Variants in BUD13 observed in about 807,000 individuals in gnomAD.
The protein encoded by BUD13 is BUD13 spliceosome associated protein.
BUD13 carries 47 observed loss-of-function variants against 62.5 expected under a neutral mutation model. That is an observed-to-expected ratio of 0.75 (90% CI 0.60 to 0.96). The LOEUF is 0.96. Ranked by LOEUF, BUD13 falls within the 40% of genes least tolerant of loss-of-function variation. The pLI is 0.00. For synonymous variants in BUD13, 293 were observed against 280.1 expected, an observed-to-expected ratio of 1.05 and a Z score of -0.46; for missense variants, 821 against 790.9, an observed-to-expected ratio of 1.04 and a Z score of -0.46.
Position 116,770,221 on chromosome 11 carries a change from T to C in BUD13, c.145A>G (p.Met49Val), listed in dbSNP as rs1457927531. The C allele has an allele frequency of 9.3e-6, 15 of 1,608,362 alleles. No individual in the cohort carries two copies. The highest frequency in any genetic ancestry group is 3.4e-5 in the Admixed American group (2 of 58,832). ...CTCACATCATCATCCACAATCCGCA[T>C]TCTAAATGAGAATAAGAAGATCAAA... Reference protein sequence around the residue: ...PKPGGAGGKGMRIVDDDVSWT... With the variant: ...PKPGGAGGKGVRIVDDDVSWT... Residue 49 changes from methionine to valine, a missense_variant and splice_region_variant, in exon 2 of 10, where the codon ATG (methionine) becomes GTG (valine). Met to Val is a conservative substitution (Grantham distance 21). This residue lies in a region of BUD13 where 800 missense variants were observed against 739.2 expected (regional missense o/e 1.08). Transcript: ENST00000260210.
Position 116,762,636 on chromosome 11 carries a change from T to C in BUD13, c.953A>G (p.Tyr318Cys), listed in dbSNP as rs1940451327. The change falls in exon 4 of 10, where the codon TAT (tyrosine) becomes TGT (cysteine). Residue 318 changes from tyrosine to cysteine, a missense_variant. Transcript: ENST00000260210. Reference sequence around the variant, plus strand: ...AGGAGAGATGTCAGGGTCATACTCATATTTGCTGTTCTTTGGGAATGACAA... The same window carrying C: ...AGGAGAGATGTCAGGGTCATACTCACATTTGCTGTTCTTTGGGAATGACAA... ...SHLSFPKNSK[Y>C]EYDPDISPPR... 1 of 1,614,242 alleles carries C rather than the reference T, an allele frequency of 6.2e-7. No individual in the cohort carries two copies. The highest frequency in any genetic ancestry group is 1.1e-5 in the South Asian group (1 of 91,090).
chr11:116,754,126 G>C (rs1940285998), intron 9 of BUD13, among the ~76,000 whole-genome samples: 2 of 152,174 alleles, frequency 1.3e-5, no homozygotes, highest in Admixed American at 1.3e-4. Flanking sequence ...GCACATTGCA[G>C]CCTCGACCTC....
At chr11:116,754,710 C>A (rs761961689) in intron 9 of BUD13, among the ~76,000 whole-genome samples, 12 of 152,172 alleles carry the variant, frequency 7.9e-5, no homozygotes, top group Non-Finnish European at 1.8e-4. Flanking sequence ...CTCACTACTT[C>A]TATTCAACAT....
At position 116,762,452 on chromosome 11, in the gene BUD13, C is replaced by G. The variant is rs1004292651; in HGVS notation, c.1036+101G>C. ...CCAGCCTCTCACTTTTCAAAACTTT[C>G]CCAAAGAAATTCCATTCTTATACCT... On this transcript the variant is annotated intron_variant, in intron 4 of 9. Transcript: ENST00000260210. 4 of 1,076,040 alleles carry G rather than the reference C, an allele frequency of 3.7e-6. No individual in the cohort carries two copies. The African/African-American group carries it at 6.4e-5, about 17-fold the overall frequency. 66.7% of individuals were successfully genotyped at this position (1,076,040 alleles called of 1,614,324 possible).
Position 116,748,998 on chromosome 11 carries a change from AAAAG to A in BUD13, c.1767-427_1767-424del, listed in dbSNP as rs1045535322. 6.6e-5 allele frequency among the ~76,000 whole-genome samples: 10 copies of A among 151,102 alleles called. No individual in the cohort carries two copies. The South Asian group carries it at 8.3e-4, about 13-fold the overall frequency. ...TCTGTCTCAAAAAAAAAAAAAAAAA[AAAAG>A]AAAGAAAGAAACAAAAAAGAAAAGA... is the stretch of plus-strand genomic sequence containing the variant. On this transcript the variant is annotated intron_variant, in intron 9 of 9. Transcript: ENST00000260210.
intron 3 of BUD13, among the ~76,000 whole-genome samples, chr11:116,763,861 A>T (rs1330282286): frequency 2.0e-5 from 3 of 152,226 alleles, no homozygotes; most frequent in African/African-American, 7.2e-5. Flanking sequence ...AGAGGGGAAA[A>T]ATCACCATAA....
intron 9 of BUD13, among the ~76,000 whole-genome samples, chr11:116,750,409 C>G (rs921287164): frequency 1.7e-4 from 26 of 152,202 alleles, no homozygotes; most frequent in African/African-American, 6.3e-4. Flanking sequence ...TGTTTCCTCA[C>G]TTTTCATTCA....
At chr11:116,761,060 CATT>C in intron 4 of BUD13, 108 bp from the exon 5 acceptor site, 23 of 883,550 alleles carry the variant, frequency 2.6e-5, no homozygotes, top group East Asian at 2.5e-4. Flanking sequence ...GAATTCCTTA[CATT>C]ATTATTATTT....
intron 4 of BUD13, 131 bp downstream of exon 4, chr11:116,762,422 C>T: frequency 1.3e-6 from 1 of 768,698 alleles, no homozygotes; most frequent in Non-Finnish European, 2.1e-6. Flanking sequence ...TCAACTCTCC[C>T]AAACCCAGCC....
At chr11:116,760,188 T>C (rs1940405388) in intron 5 of BUD13, among the ~76,000 whole-genome samples, 1 of 152,252 alleles carries the variant, frequency 6.6e-6, no homozygotes, top group Admixed American at 6.5e-5. Context: ...AGTAAATCAC[T>C]AACACTAGAT....
At position 116,772,973 on chromosome 11, in the gene BUD13, C is replaced by T. The variant is rs1314159456; in HGVS notation, c.-9G>A. On this transcript the variant is annotated 5_prime_UTR_variant, in exon 1 of 10. Transcript: ENST00000260210. Reference sequence around the variant, plus strand: ...GGCGGAGCTGCCGCCATGGCAGCGGCGGGGGCAGAGAGACGGGTCGGCGCT... The same window carrying T: ...GGCGGAGCTGCCGCCATGGCAGCGGTGGGGGCAGAGAGACGGGTCGGCGCT... The T allele has an allele frequency of 2.0e-6, 3 of 1,532,294 alleles. No individual in the cohort carries two copies. The highest frequency in any genetic ancestry group is 2.6e-6 in the Non-Finnish European group (3 of 1,134,310). 94.9% of individuals were successfully genotyped at this position (1,532,294 alleles called of 1,614,324 possible).
rs1390053018 is a variant in BUD13, at chr11:116,763,088, C to T, written c.501G>A (p.Gly167=). 6.3e-7 allele frequency: 1 copy of T among 1,580,544 alleles called. No individual in the cohort carries two copies. Among genetic ancestry groups the T allele is most frequent in the African/African-American group, 1.4e-5 (1 of 73,060 alleles). ...HDTPDPSPLR[G]ARHDSDTSPP... ...GAGATGTGTCTGAGTCATGACGAGC[C>T]CCTCTGAGGGGAGAAGGATCCGGGG... The change falls in exon 4 of 10, where the codon GGG becomes GGA. Residue 167 remains glycine (G), a synonymous_variant. Transcript: ENST00000260210.
chr11:116,754,062 T>C (rs879605616), intron 9 of BUD13, among the ~76,000 whole-genome samples: 42 of 152,248 alleles, frequency 2.8e-4, no homozygotes, highest in Non-Finnish European at 5.3e-4. Flanking sequence ...TTATTGTTTT[T>C]TGATACATGG....
chr11:116,768,105 C>T (rs886217630), intron 2 of BUD13, among the ~76,000 whole-genome samples: 1 of 151,966 alleles, frequency 6.6e-6, no homozygotes, highest in Admixed American at 6.6e-5. Flanking sequence ...TGGAAAGCAA[C>T]ATGGGAATAT....
chr11:116,758,297 C>T lies in BUD13; in HGVS notation c.1471G>A (p.Asp491Asn), dbSNP rs1940367994. The T allele has an allele frequency of 6.2e-7, 1 of 1,614,084 alleles. No individual in the cohort carries two copies. Among genetic ancestry groups the T allele is most frequent in the African/African-American group, 1.3e-5 (1 of 74,942 alleles). ...TTTCCCCACTGGGCATACAGCTCAT[C>T]TCTCTCTGAGTCCTTTTCTGCTTTC... Reference protein sequence around the residue: ...RRKAEKDSERDELYAQWGKGL... With the variant: ...RRKAEKDSERNELYAQWGKGL... The change falls in exon 7 of 10, where the codon GAT (aspartate) becomes AAT (asparagine). Residue 491 changes from aspartate to asparagine, a missense_variant. By Grantham distance (23) the Asp-to-Asn change is conservative. Transcript: ENST00000260210.
At chr11:116,755,991 TG>T (rs1940316863) in intron 9 of BUD13, among the ~76,000 whole-genome samples, 1 of 152,088 alleles carries the variant, frequency 6.6e-6, no homozygotes. Flanking sequence ...GACAATCATA[TG>T]AGCCCAAGAA....
At chr11:116,763,505 AT>A (rs1247956203) in intron 3 of BUD13, among the ~76,000 whole-genome samples, 1 of 152,140 alleles carries the variant, frequency 6.6e-6, no homozygotes, top group Non-Finnish European at 1.5e-5. Context: ...CATTTTTCAT[AT>A]TATACCCTTT....
chr11:116,758,378 G>A lies in BUD13; in HGVS notation c.1390C>T (p.Arg464Ter), dbSNP rs1263089957. 3.7e-6 allele frequency: 6 copies of A among 1,613,934 alleles called. No individual in the cohort carries two copies. The highest frequency in any genetic ancestry group is 1.1e-5 in the South Asian group (1 of 91,048). The change falls in exon 7 of 10, where the codon CGA becomes TGA. Residue 464 changes from arginine to a stop codon, truncating the protein, a stop_gained. Coordinates refer to ENST00000260210, the MANE Select transcript of BUD13 (RefSeq NM_032725.4). LOFTEE classifies it high-confidence loss of function. ...AEFQYAETVF[R>*]DKSGRKRNLK... is the part of the protein sequence containing the mutation. ...TTCCTCTTACGACCAGACTTATCTCGAAATACGGTTTCAGCATATTGAAAT... is the reference window on the plus strand; with the variant it reads ...TTCCTCTTACGACCAGACTTATCTCAAAATACGGTTTCAGCATATTGAAAT...
chr11:116,759,160 C>G lies in BUD13; in HGVS notation c.1274G>C (p.Gly425Ala), dbSNP rs1940386604. Residue 425 changes from glycine (G) to alanine (A), a missense_variant, in exon 6 of 10, where the codon GGG (glycine) becomes GCG (alanine). Physicochemically the swap from Gly to Ala is moderately conservative, Grantham distance 60. Around this residue, in one of 2 missense-constraint regions of BUD13, gnomAD observed 800 missense variants for 739.2 expected, o/e 1.08. Transcript: ENST00000260210. ...AGTTAACACCAACCCAGTTTTAGCC[C>G]CAGAATACATGTGTGCAGCCTATGC... The part of the protein sequence containing the change: ...PGKKAAHMYS[G>A]AKTGLVLTDI... 1.2e-6 allele frequency: 2 copies of G among 1,613,874 alleles called. No individual in the cohort carries two copies. The highest frequency in any genetic ancestry group is 2.7e-5 in the African/African-American group (2 of 74,900).
Sources: allele counts gnomAD v4.1 joint callset (sites outside exome capture counted in the v4.1 genomes callset), GRCh38; gene constraint gnomAD v4.1.1; regional missense constraint gnomAD v4.1.1; transcripts MANE v1.5; gene names NCBI Gene and HGNC (gene_info 2026-07-23, HGNC 2026-07-21).